Variants in NEGR1 observed in about 807,000 individuals in gnomAD.
NEGR1 encodes IgLON family member 4.
Under a neutral mutation model 40.9 loss-of-function variants are expected in NEGR1, and 10 were observed. The ratio of observed to expected loss-of-function variants is 0.24; its 90% CI spans 0.15 to 0.42. NEGR1 has a LOEUF of 0.42. Among genes scored for constraint, NEGR1 ranks in the 10% least tolerant of loss-of-function variants. The probability of loss-of-function intolerance (pLI) is 1.00; values close to 1 mark genes in which losing one functional copy is unlikely to be tolerated. For synonymous variants in NEGR1, 185 were observed against 166.8 expected, an observed-to-expected ratio of 1.11 and a Z score of -0.84; for missense variants, 352 against 438.9, an observed-to-expected ratio of 0.80 and a Z score of 1.77.
At chr1:71,905,125 T>G (rs1256559596) in intron 2 of NEGR1, among the ~76,000 whole-genome samples, 4 of 152,090 alleles carry the variant, frequency 2.6e-5, no homozygotes, top group Non-Finnish European at 5.9e-5. Context: ...ATCCACTGTT[T>G]TGGTTGAGAT....
chr1:72,053,891 A>AC (rs397753927), intron 1 of NEGR1, among the ~76,000 whole-genome samples: 5 of 150,172 alleles, frequency 3.3e-5, no homozygotes, highest in Admixed American at 6.7e-5. Context: ...AAAAAAAAAA[A>AC]CTCACACATA....
chr1:71,943,310 G>A (rs952547384), intron 1 of NEGR1, among the ~76,000 whole-genome samples: 11 of 149,986 alleles, frequency 7.3e-5, no homozygotes, highest in Non-Finnish European at 1.3e-4. Context: ...TTACACATGT[G>A]TGTATAAAAT....
chr1:71,475,495 CTG>C (rs1275860364), intron 6 of NEGR1, among the ~76,000 whole-genome samples: 6 of 151,770 alleles, frequency 4.0e-5, no homozygotes, highest in Admixed American at 6.6e-5. Flanking sequence ...CAATATGTAA[CTG>C]TAATTTTTTT....
At chr1:71,637,959 A>C (rs1429821493) in intron 4 of NEGR1, among the ~76,000 whole-genome samples, 2 of 152,022 alleles carry the variant, frequency 1.3e-5, no homozygotes, top group African/African-American at 4.8e-5. Context: ...GCATTATTTT[A>C]TTTAAAACCC....
rs954960153 is a variant in NEGR1, at chr1:72,028,548, T to C, written c.177-93237A>G. On this transcript the variant is annotated intron_variant, in intron 1 of 6. Coordinates refer to ENST00000357731, the MANE Select transcript of NEGR1 (RefSeq NM_173808.3). ...CTCACCCCTACCTACCTCTGCTCAC[T>C]TCACCCACAAATTGTAGTTGCCTCA... Among the ~76,000 whole-genome samples, 20 of 152,322 alleles carry C rather than the reference T, an allele frequency of 1.3e-4. 1 individual carries two copies. In the East Asian group the frequency reaches 1.5e-3, roughly 12 times the overall value.
chr1:71,993,019 G>A (rs1016323184), intron 1 of NEGR1, among the ~76,000 whole-genome samples: 2 of 152,066 alleles, frequency 1.3e-5, no homozygotes, highest in African/African-American at 4.8e-5. Flanking sequence ...CCAAACAAAC[G>A]AAAAGAGAGC....
chr1:71,829,172 A>G (rs1221780025), intron 2 of NEGR1, among the ~76,000 whole-genome samples: 2 of 151,940 alleles, frequency 1.3e-5, no homozygotes, highest in African/African-American at 4.8e-5. Flanking sequence ...ATATGAAATC[A>G]AACTGAAATT....
At chr1:71,814,059 G>A (rs1658106529) in intron 2 of NEGR1, among the ~76,000 whole-genome samples, 1 of 152,120 alleles carries the variant, frequency 6.6e-6, no homozygotes, top group South Asian at 2.1e-4. Context: ...GATATTGGCT[G>A]TGGATTTGTC....
At chr1:71,675,471 C>T (rs942881597) in intron 4 of NEGR1, among the ~76,000 whole-genome samples, 2 of 150,836 alleles carry the variant, frequency 1.3e-5, no homozygotes, top group African/African-American at 4.9e-5. Flanking sequence ...ATGTGTATAT[C>T]TATATATCTA....
chr1:71,666,005 A>G (rs535977256), intron 4 of NEGR1, among the ~76,000 whole-genome samples: 18 of 152,266 alleles, frequency 1.2e-4, no homozygotes, highest in African/African-American at 3.9e-4. Context: ...CTTGGATTCA[A>G]TAAAAAACTA....
chr1:72,232,250 G>A (rs559955297), intron 1 of NEGR1, among the ~76,000 whole-genome samples: 10 of 151,874 alleles, frequency 6.6e-5, no homozygotes, highest in South Asian at 2.1e-4. Flanking sequence ...CCAGCTACTC[G>A]GAAGGCTAAG....
intron 1 of NEGR1, among the ~76,000 whole-genome samples, chr1:72,047,905 C>A (rs537593802): frequency 9.1e-4 from 138 of 151,538 alleles, no homozygotes; most frequent in Non-Finnish European, 1.5e-3. Context: ...CATATAGCAC[C>A]AAGTATACAA....
chr1:71,981,184 C>T (rs746861610), intron 1 of NEGR1, among the ~76,000 whole-genome samples: 19 of 152,094 alleles, frequency 1.2e-4, no homozygotes, highest in Non-Finnish European at 5.9e-5. Context: ...TATAATTCTA[C>T]GTAGACATTG....
At chr1:71,409,851 G>A (rs928941222) in intron 6 of NEGR1, among the ~76,000 whole-genome samples, 5 of 151,938 alleles carry the variant, frequency 3.3e-5, no homozygotes, top group African/African-American at 1.2e-4. Flanking sequence ...TCTGAAGGAA[G>A]CCACGTGATT....
intron 1 of NEGR1, among the ~76,000 whole-genome samples, chr1:72,185,738 C>T (rs1477734689): frequency 6.6e-6 from 1 of 151,798 alleles, no homozygotes; most frequent in African/African-American, 2.4e-5. Flanking sequence ...GGAAATTGTT[C>T]TCAAGTTACT....
intron 2 of NEGR1, among the ~76,000 whole-genome samples, chr1:71,931,298 T>C (rs1011755800): frequency 6.6e-6 from 1 of 152,290 alleles, no homozygotes; most frequent in Middle Eastern, 3.4e-3. Flanking sequence ...CATATGTTTA[T>C]TTAATACACG....
At position 71,404,869 on chromosome 1, in the gene NEGR1, TA is replaced by T. The variant is rs1431890005; in HGVS notation, c.*2576del. On this transcript the variant is annotated 3_prime_UTR_variant, in exon 7 of 7. Transcript: ENST00000357731. The stretch of plus-strand genomic sequence containing the variant: ...GATAAAATGGGGTAATCAGACATTT[TA>T]TATGTCCATAAATGTAAAATCATCT... 1 of 152,246 alleles carries T rather than the reference TA, an allele frequency of 6.6e-6. No homozygotes were observed. Among genetic ancestry groups the T allele is most frequent in the Non-Finnish European group, 1.5e-5 (1 of 67,764 alleles). The allele number at this position is 152,246 out of a possible 1,614,324, so 9.4% of individuals were successfully genotyped here.
intron 1 of NEGR1, among the ~76,000 whole-genome samples, chr1:72,060,957 T>C (rs1270956361): frequency 6.6e-6 from 1 of 151,632 alleles, no homozygotes; most frequent in Non-Finnish European, 1.5e-5. Context: ...TATTCTGAAA[T>C]ATTCGAACTA....
At chr1:72,061,290 T>A (rs1043122193) in intron 1 of NEGR1, among the ~76,000 whole-genome samples, 2 of 151,832 alleles carry the variant, frequency 1.3e-5, no homozygotes, top group Non-Finnish European at 2.9e-5. Flanking sequence ...ACTGTATTGA[T>A]GGTCTAACAC....
Sources: allele counts gnomAD v4.1 joint callset (sites outside exome capture counted in the v4.1 genomes callset), GRCh38; gene constraint gnomAD v4.1.1; transcripts MANE v1.5; gene names NCBI Gene and HGNC (gene_info 2026-07-23, HGNC 2026-07-21).